DAB1: variants seen among roughly 807,000 people sequenced by gnomAD.
The protein encoded by DAB1 is DAB adaptor protein 1.
In DAB1, 15 loss-of-function variants were observed where a neutral mutation model predicts 64.6. That is an observed-to-expected ratio of 0.23 (90% CI 0.16 to 0.36). The LOEUF (loss-of-function observed/expected upper bound fraction) is 0.36. Among genes scored for constraint, DAB1 ranks in the 10% least tolerant of loss-of-function variants. DAB1 has a pLI of 1.00. For synonymous variants in DAB1, 235 were observed against 251.9 expected (o/e 0.93, Z 0.64); for missense variants, 596 against 706.7 (o/e 0.84, Z 1.78).
intron 5 of DAB1, among the ~76,000 whole-genome samples, chr1:58,000,564 CTTTTTTT>C (rs869176789): frequency 1.0e-5 from 1 of 95,750 alleles, no homozygotes; most frequent in Non-Finnish European, 1.9e-5. Flanking sequence ...TCTTTTTTGC[CTTTTTTT>C]TTTTTTTTTT....
intron 2 of DAB1, among the ~76,000 whole-genome samples, chr1:57,268,336 G>A (rs1295418474): frequency 6.6e-6 from 1 of 152,198 alleles, no homozygotes; most frequent in East Asian, 1.9e-4. Context: ...AAAGGTTGCC[G>A]TGATATTTTC....
chr1:58,090,089 C>T (rs1650553314), intron 5 of DAB1, among the ~76,000 whole-genome samples: 2 of 152,160 alleles, frequency 1.3e-5, no homozygotes, highest in African/African-American at 4.8e-5. Context: ...AACAATATTT[C>T]TCTTTGATCT....
chr1:57,692,848 G>A (rs1301306372), intron 6 of DAB1, among the ~76,000 whole-genome samples: 1 of 152,026 alleles, frequency 6.6e-6, no homozygotes. Flanking sequence ...TAACCAGTCA[G>A]GGATAGTACG....
In DAB1 at chr1:58,316,077, C is replaced by T. The variant is rs146967442; in HGVS notation, n.309+27275G>A. Among the ~76,000 whole-genome samples, 340 of 152,336 alleles carry T rather than the reference C, an allele frequency of 2.2e-3. 2 individuals carry two copies. The highest frequency in any genetic ancestry group is 6.2e-3 in the Admixed American group (95 of 15,300). ...TGGCCATATGCAAGTAGCTTAACCT[C>T]TCTGAGAGGCAAATGCCTTATCTCT... On this transcript the variant is annotated intron_variant and non_coding_transcript_variant, in intron 4 of 20. Transcript: ENST00000485760.
chr1:57,960,173 T>C (rs991375693), intron 5 of DAB1, among the ~76,000 whole-genome samples: 3 of 152,112 alleles, frequency 2.0e-5, no homozygotes, highest in Non-Finnish European at 1.5e-5. Flanking sequence ...GTGTGGCAAT[T>C]AGGGCTCAGA....
chr1:57,433,257 C>G (rs186430480), intron 7 of DAB1, among the ~76,000 whole-genome samples: 12 of 152,164 alleles, frequency 7.9e-5, no homozygotes, highest in African/African-American at 2.9e-4. Context: ...ATAGCCAAAA[C>G]AATCCTGGGA....
At chr1:57,193,624 G>A (rs901218950) in intron 2 of DAB1, among the ~76,000 whole-genome samples, 1 of 152,098 alleles carries the variant, frequency 6.6e-6, no homozygotes, top group African/African-American at 2.4e-5. Flanking sequence ...CTGACCTCGT[G>A]ATCCGCCTGC....
chr1:58,299,729 A>C (rs1328644092), intron 4 of DAB1, among the ~76,000 whole-genome samples: 1 of 152,190 alleles, frequency 6.6e-6, no homozygotes, highest in Non-Finnish European at 1.5e-5. Context: ...AGCCAGAGCA[A>C]GAGACGAATG....
intron 4 of DAB1, among the ~76,000 whole-genome samples, chr1:57,095,343 T>C (rs1182188635): frequency 2.0e-5 from 3 of 152,200 alleles, no homozygotes; most frequent in Non-Finnish European, 4.4e-5. Flanking sequence ...TTGGGTAACA[T>C]GGACAGAGGC....
At chr1:57,082,169 A>G (rs1015165567) in intron 4 of DAB1, among the ~76,000 whole-genome samples, 1 of 152,202 alleles carries the variant, frequency 6.6e-6, no homozygotes, top group African/African-American at 2.4e-5. Flanking sequence ...TTTTAGAATT[A>G]TCCTTTTACA....
At chr1:58,295,527 C>T (rs1326154497) in intron 4 of DAB1, among the ~76,000 whole-genome samples, 1 of 152,130 alleles carries the variant, frequency 6.6e-6, no homozygotes, top group Non-Finnish European at 1.5e-5. Flanking sequence ...CTCTCCTGAC[C>T]ACCTCCTCTC....
At chr1:57,161,304 T>C (rs1196335033) in intron 2 of DAB1, among the ~76,000 whole-genome samples, 1 of 152,196 alleles carries the variant, frequency 6.6e-6, no homozygotes, top group Non-Finnish European at 1.5e-5. Context: ...AGGCTAAGCC[T>C]AATCAAAAGA....
chr1:57,571,039 T>A (rs11581666), intron 7 of DAB1, among the ~76,000 whole-genome samples: 27,871 of 152,208 alleles, frequency 0.18, 3,151 homozygotes, highest in Non-Finnish European at 0.24. Context: ...AGCTACTGAT[T>A]TGTGTACATT....
intron 1 of DAB1, among the ~76,000 whole-genome samples, chr1:57,369,509 C>CAT (rs1680323754): frequency 6.6e-6 from 1 of 152,072 alleles, no homozygotes; most frequent in African/African-American, 2.4e-5. Context: ...GAGTGATACA[C>CAT]ACATATATAT....
At chr1:57,723,707 G>C (rs114235116) in intron 6 of DAB1, among the ~76,000 whole-genome samples, 205 of 152,310 alleles carry the variant, frequency 1.3e-3, no homozygotes, top group Middle Eastern at 0.01. Context: ...ATGCAGATAT[G>C]TGGTGCTCCC....
intron 4 of DAB1, among the ~76,000 whole-genome samples, chr1:58,288,366 T>C (rs531256203): frequency 6.4e-4 from 98 of 152,264 alleles, no homozygotes; most frequent in Middle Eastern, 3.4e-3. Context: ...ATCAGCACAA[T>C]GGTATAATGA....
At chr1:57,396,044 C>A (rs1682778656) in intron 1 of DAB1, among the ~76,000 whole-genome samples, 3 of 152,148 alleles carry the variant, frequency 2.0e-5, no homozygotes, top group Non-Finnish European at 4.4e-5. Flanking sequence ...GGGGCTAGAC[C>A]ACCCAAAGTA....
chr1:57,510,837 GATGTGGTC>G (rs1300907692), intron 7 of DAB1, among the ~76,000 whole-genome samples: 1 of 152,172 alleles, frequency 6.6e-6, no homozygotes, highest in African/African-American at 2.4e-5. Flanking sequence ...AGAATGCAGT[GATGTGGTC>G]ACGGCTCACT....
chr1:58,480,353 T>A (rs1431791634), intron 3 of DAB1, among the ~76,000 whole-genome samples: 1 of 152,172 alleles, frequency 6.6e-6, no homozygotes, highest in East Asian at 1.9e-4. Flanking sequence ...ACACGCTGTA[T>A]CTCTGTGGAA....
Sources: gnomAD v4.1 joint callset for allele counts (sites outside exome capture counted in the v4.1 genomes callset) on GRCh38, gnomAD v4.1.1 for gene constraint, MANE v1.5 for transcripts, NCBI Gene and HGNC (gene_info 2026-07-23, HGNC 2026-07-21) for gene names.